The following NOS1AP variants were observed in gnomAD, a reference collection of about 807,000 sequenced individuals.
The protein encoded by NOS1AP is carboxyl-terminal PDZ ligand of neuronal nitric oxide synthase protein.
Under a neutral mutation model 56.2 loss-of-function variants are expected in NOS1AP, and 21 were observed. The ratio of observed to expected loss-of-function variants is 0.37; its 90% confidence interval spans 0.26 to 0.54. NOS1AP has a LOEUF of 0.54. Ranked by LOEUF, NOS1AP falls within the 20% of genes least tolerant of loss-of-function variation. The probability of loss-of-function intolerance (pLI) is 0.84; values close to 1 mark genes in which losing one functional copy is unlikely to be tolerated. For missense variants in NOS1AP, 522 were observed against 657.8 expected (o/e 0.79, Z 2.26); for synonymous variants, 270 against 274.6 (o/e 0.98, Z 0.17).
At chr1:162,353,802 G>A (rs1363018001) in intron 6 of NOS1AP, among the ~76,000 whole-genome samples, 3 of 152,098 alleles carry the variant, frequency 2.0e-5, no homozygotes, top group Non-Finnish European at 4.4e-5. Flanking sequence ...CCCACCTACC[G>A]ACCCTCCATC....
intron 2 of NOS1AP, among the ~76,000 whole-genome samples, chr1:162,276,669 C>T (rs1654743684): frequency 6.6e-6 from 1 of 152,130 alleles, no homozygotes; most frequent in South Asian, 2.1e-4. Context: ...CATGGTTCCA[C>T]TTTACAATCC....
intron 2 of NOS1AP, among the ~76,000 whole-genome samples, chr1:162,247,599 C>G (rs17425467): frequency 0.026 from 3,886 of 152,270 alleles, 70 homozygotes; most frequent in Non-Finnish European, 0.037. Context: ...AATTTCTACA[C>G]TTGTTTCTGT....
At chr1:162,304,784 G>C (rs1480892780) in intron 4 of NOS1AP, among the ~76,000 whole-genome samples, 1 of 148,536 alleles carries the variant, frequency 6.7e-6, no homozygotes, top group Non-Finnish European at 1.5e-5. Flanking sequence ...TTATATCTGT[G>C]TGTGTGTGTG....
At chr1:162,282,400 G>A (rs1654959865) in intron 2 of NOS1AP, among the ~76,000 whole-genome samples, 1 of 152,158 alleles carries the variant, frequency 6.6e-6, no homozygotes, top group South Asian at 2.1e-4. Context: ...AACTTTTTAA[G>A]GCTGAATAAT....
At chr1:162,079,128 G>A (rs1467113378) in intron 1 of NOS1AP, among the ~76,000 whole-genome samples, 6 of 152,072 alleles carry the variant, frequency 3.9e-5, no homozygotes, top group Non-Finnish European at 7.4e-5. Flanking sequence ...AGTAACTTCC[G>A]GTTCCCAGTG....
At chr1:162,266,255 C>A (rs1054926743) in intron 2 of NOS1AP, among the ~76,000 whole-genome samples, 10 of 152,168 alleles carry the variant, frequency 6.6e-5, no homozygotes, top group African/African-American at 2.4e-4. Context: ...GATTCTGAAA[C>A]CCATGTTCTC....
At chr1:162,259,759 T>C (rs751073484) in intron 2 of NOS1AP, among the ~76,000 whole-genome samples, 2 of 152,204 alleles carry the variant, frequency 1.3e-5, no homozygotes, top group Admixed American at 6.5e-5. Flanking sequence ...AGATCTTATT[T>C]TTAAGAAAAG....
intron 4 of NOS1AP, among the ~76,000 whole-genome samples, chr1:162,329,724 A>G (rs1041095727): frequency 6.6e-6 from 1 of 152,188 alleles, no homozygotes; most frequent in African/African-American, 2.4e-5. Flanking sequence ...TGATCTGGAA[A>G]TTTGGACCCA....
intron 2 of NOS1AP, among the ~76,000 whole-genome samples, chr1:162,155,461 A>G (rs1230009564): frequency 1.3e-5 from 2 of 149,586 alleles, no homozygotes; most frequent in African/African-American, 5.0e-5. Flanking sequence ...ATATATAGAG[A>G]GAGAGAGAGA....
chr1:162,130,869 C>G (rs1243162524), intron 1 of NOS1AP, among the ~76,000 whole-genome samples: 3 of 152,196 alleles, frequency 2.0e-5, no homozygotes, highest in Non-Finnish European at 2.9e-5. Flanking sequence ...CTAGACCTAA[C>G]AGATTTTTTG....
intron 1 of NOS1AP, among the ~76,000 whole-genome samples, chr1:162,096,479 C>T (rs1479141040): frequency 6.6e-6 from 1 of 152,026 alleles, no homozygotes; most frequent in Non-Finnish European, 1.5e-5. Context: ...TGTAGGTATC[C>T]GCCACCCAGA....
intron 2 of NOS1AP, among the ~76,000 whole-genome samples, chr1:162,256,902 T>C (rs2101700074): frequency 6.6e-6 from 1 of 152,296 alleles, no homozygotes; most frequent in South Asian, 2.1e-4. Flanking sequence ...TTCTTTGAGA[T>C]GATCTCTTAG....
At chr1:162,139,275 A>G (rs572347553) in intron 1 of NOS1AP, among the ~76,000 whole-genome samples, 1 of 151,834 alleles carries the variant, frequency 6.6e-6, no homozygotes, top group African/African-American at 2.4e-5. Flanking sequence ...TTGGTGCTGA[A>G]GGATTGCAGG....
At chr1:162,090,624 T>G (rs968570087) in intron 1 of NOS1AP, among the ~76,000 whole-genome samples, 3 of 152,106 alleles carry the variant, frequency 2.0e-5, no homozygotes, top group African/African-American at 7.2e-5. Context: ...TTTGATCTCT[T>G]TCCTATTATT....
At chr1:162,137,696 C>G (rs1265718906) in intron 1 of NOS1AP, among the ~76,000 whole-genome samples, 1 of 152,014 alleles carries the variant, frequency 6.6e-6, no homozygotes, top group Non-Finnish European at 1.5e-5. Flanking sequence ...AAACTCATGC[C>G]TTGTCTCCTG....
At chr1:162,152,125 G>A (rs1007671471) in intron 1 of NOS1AP, among the ~76,000 whole-genome samples, 3 of 152,158 alleles carry the variant, frequency 2.0e-5, no homozygotes, top group Non-Finnish European at 4.4e-5. Context: ...GTAGAAATGG[G>A]CCAGGGTCAT....
At chr1:162,194,347 G>C (rs1651734793) in intron 2 of NOS1AP, among the ~76,000 whole-genome samples, 3 of 152,138 alleles carry the variant, frequency 2.0e-5, no homozygotes, top group Admixed American at 2.0e-4. Context: ...CAGAGAGCCT[G>C]GTTGGTCCAT....
At chr1:162,182,460 G>T (rs1265577633) in intron 2 of NOS1AP, among the ~76,000 whole-genome samples, 2 of 152,202 alleles carry the variant, frequency 1.3e-5, no homozygotes, top group East Asian at 1.9e-4. Flanking sequence ...TGAAGGTAGA[G>T]GTGGCTGTGT....
At chr1:162,236,939 A>T (rs1653310821) in intron 2 of NOS1AP, among the ~76,000 whole-genome samples, 1 of 152,184 alleles carries the variant, frequency 6.6e-6, no homozygotes, top group Admixed American at 6.5e-5. Flanking sequence ...TTTCATCTTG[A>T]TGGTAGCATA....
Sources: allele counts gnomAD v4.1 joint callset (sites outside exome capture counted in the v4.1 genomes callset), GRCh38; gene constraint gnomAD v4.1.1; transcripts MANE v1.5; gene names NCBI Gene and HGNC (gene_info 2026-07-23, HGNC 2026-07-21).